ZDBF2: variants seen among roughly 807,000 people sequenced by gnomAD.
The protein encoded by ZDBF2 is zinc finger DBF-type containing 2.
A neutral mutation model predicts 9.4 loss-of-function variants in ZDBF2; 6 were observed. The observed-to-expected ratio is 0.64, with a 90% CI of 0.35 to 1.27. The LOEUF (loss-of-function observed/expected upper bound fraction) is 1.27, where lower values mean the gene tolerates loss of function less well. ZDBF2 is among the 50% of genes most tolerant of loss of function. ZDBF2 has a pLI of 0.03. For missense variants in ZDBF2, 2,697 were observed against 2,766.8 expected (o/e 0.97, Z 0.57); for synonymous variants, 905 against 946.3 (o/e 0.96, Z 0.80).
At position 206,309,201 on chromosome 2, in the gene ZDBF2, A is replaced by C. The variant is rs533147162; in HGVS notation, c.4673A>C (p.Lys1558Thr). 3 of 1,607,982 alleles carry C rather than the reference A, an allele frequency of 1.9e-6. No individual in the cohort carries two copies. The African/African-American group carries it at 4.0e-5, about 21-fold the overall frequency. Residue 1558 changes from lysine (K) to threonine (T), a missense_variant, in exon 5 of 5, where the codon AAA becomes ACA. By Grantham distance (78) the Lys-to-Thr change is moderately conservative. Coordinates refer to ENST00000374423, the MANE Select transcript of ZDBF2 (RefSeq NM_020923.3). ...ACTGACCCACCTCAGTTGACTGTCA[A>C]AGATATCAGCTGTATAAATACAGAA... ...LVTDPPQLTV[K>T]DISCINTECI...
intron 2 of ZDBF2, among the ~76,000 whole-genome samples, chr2:206,280,088 AG>A (rs1211797175): frequency 6.6e-6 from 1 of 152,236 alleles, no homozygotes; most frequent in Non-Finnish European, 1.5e-5. Context: ...TACAGGCATG[AG>A]CCACCATGCC....
rs559177241 is a variant in ZDBF2 at position 206,309,563 on chromosome 2, C to T, written c.5035C>T (p.Arg1679Ter). ...AGACACTTCTCATCGAACGACTCACCGACTGCAGAAAGCTCACAAAGAAGC... is the reference window on the plus strand; with the variant it reads ...AGACACTTCTCATCGAACGACTCACTGACTGCAGAAAGCTCACAAAGAAGC... ...LEDTSHRTTH[R>*]LQKAHKEASL... The change falls in exon 5 of 5, where the codon CGA (arginine) becomes TGA (stop). Residue 1679 changes from arginine to a stop codon, truncating the protein, a stop_gained. Coordinates refer to ENST00000374423, the MANE Select transcript of ZDBF2 (RefSeq NM_020923.3). LOFTEE classifies it low-confidence loss of function (END_TRUNC). 5.0e-6 allele frequency: 8 copies of T among 1,613,928 alleles called. No homozygotes were observed. Among genetic ancestry groups the T allele is most frequent in the Admixed American group, 1.7e-5 (1 of 60,012 alleles).
chr2:206,293,892 TAATG>T (rs1692030293), intron 3 of ZDBF2, among the ~76,000 whole-genome samples: 1 of 152,134 alleles, frequency 6.6e-6, no homozygotes, highest in African/African-American at 2.4e-5. Flanking sequence ...TCACTCCTAA[TAATG>T]CACTCAACAA....
At chr2:206,291,715 A>G (rs1279579065) in intron 3 of ZDBF2, among the ~76,000 whole-genome samples, 1 of 152,188 alleles carries the variant, frequency 6.6e-6, no homozygotes, top group African/African-American at 2.4e-5. Flanking sequence ...CTGTGGGATA[A>G]ATCCCACTTG....
intron 4 of ZDBF2, among the ~76,000 whole-genome samples, chr2:206,301,298 G>A (rs1167213041): frequency 1.3e-5 from 2 of 151,882 alleles, no homozygotes; most frequent in Admixed American, 6.6e-5. Flanking sequence ...TCTTTTAACT[G>A]TATATGTTAT....
rs757903870 is a variant in ZDBF2, at chr2:206,310,250, G to A, written c.5722G>A (p.Asp1908Asn). Residue 1908 changes from aspartate (D) to asparagine (N), a missense_variant, in exon 5 of 5, where the codon GAC (aspartate) becomes AAC (asparagine). Physicochemically the swap from Asp to Asn is conservative, Grantham distance 23. Transcript: ENST00000374423. ...TGTCTGTGGTATTTCAGATATTGAT[G>A]ACTTGTCAGTGGCCTTAGATAAACC... ...DIVCGISDID[D>N]LSVALDKPCH... is the part of the protein sequence containing the mutation. 6.2e-7 allele frequency: 1 copy of A among 1,613,854 alleles called. No individual in the cohort carries two copies. Among genetic ancestry groups the A allele is most frequent in the East Asian group, 2.2e-5 (1 of 44,892 alleles).
chr2:206,308,927 GA>G lies in ZDBF2; in HGVS notation c.4400del (p.Asp1467AlafsTer32). On this transcript the variant is annotated frameshift_variant, in exon 5 of 5. Transcript: ENST00000374423. LOFTEE classifies it low-confidence loss of function (END_TRUNC). ...TTGTGTTCATCTTCAGTCAGAAGTT[GA>G]CCAACCTCAAGTGTCTTACAAAGAG... ...HSCVHLQSEV[D>X]QPQVSYKEAD... The G allele has an allele frequency of 6.2e-7, 1 of 1,613,098 alleles. No homozygotes were observed. Among genetic ancestry groups the G allele is most frequent in the Non-Finnish European group, 8.5e-7 (1 of 1,179,442 alleles).
chr2:206,305,187 A>T lies in ZDBF2; in HGVS notation c.659A>T (p.Asp220Val). 1.2e-6 allele frequency: 2 copies of T among 1,613,870 alleles called. No homozygotes were observed. The highest frequency in any genetic ancestry group is 1.7e-6 in the Non-Finnish European group (2 of 1,179,828). Residue 220 changes from aspartate (D) to valine (V), a missense_variant, in exon 5 of 5, where the codon GAC (aspartate) becomes GTC (valine). Asp to Val is a radical substitution (Grantham distance 152, BLOSUM62 -3). Transcript: ENST00000374423. ...CATTTGGATTCAGTTAGCAAATGTG[A>T]CCCAAACAAAGTTGAGAAATATCTT... is the stretch of plus-strand genomic sequence containing the variant. The part of the protein sequence containing the change: ...AAHLDSVSKC[D>V]PNKVEKYLEQ...
Position 206,308,529 on chromosome 2 carries a change from A to G in ZDBF2, c.4001A>G (p.Asn1334Ser). Residue 1334 changes from asparagine to serine, a missense_variant, in exon 5 of 5, where the codon AAT (asparagine) becomes AGT (serine). Physicochemically the swap from Asn to Ser is conservative, Grantham distance 46. Transcript: ENST00000374423. Reference sequence around the variant, plus strand: ...GATTCTGAAATAATTTATGTTTCAAATATCCCTCTTCAGTCAGTGATAAAA... The same window carrying G: ...GATTCTGAAATAATTTATGTTTCAAGTATCCCTCTTCAGTCAGTGATAAAA... Reference protein sequence around the residue: ...PSDSEIIYVSNIPLQSVIKQP... With the variant: ...PSDSEIIYVSSIPLQSVIKQP... The G allele has an allele frequency of 5.0e-6, 8 of 1,613,440 alleles. No homozygotes were observed. Among genetic ancestry groups the G allele is most frequent in the Non-Finnish European group, 6.8e-6 (8 of 1,179,778 alleles).
In ZDBF2 at chr2:206,311,203, G is replaced by A. The variant is rs1166098666; in HGVS notation, c.6675G>A (p.Lys2225=). The change falls in exon 5 of 5, where the codon AAG becomes AAA. Residue 2225 remains lysine, a synonymous_variant. Coordinates refer to ENST00000374423, the MANE Select transcript of ZDBF2 (RefSeq NM_020923.3). Reference sequence around the variant, plus strand: ...CCAAACCAAGTGATATCATTAGAAAGTATATTTCGAAATACTCTGTCTTTT... The same window carrying A: ...CCAAACCAAGTGATATCATTAGAAAATATATTTCGAAATACTCTGTCTTTT... ...IRTKPSDIIR[K]YISKYSVFLR... is the part of the protein sequence containing the mutation. 2.5e-6 allele frequency: 4 copies of A among 1,612,506 alleles called. No individual in the cohort carries two copies. The Admixed American group carries it at 6.7e-5, about 27-fold the overall frequency.
rs572938202 is a variant in ZDBF2, at chr2:206,310,647, G to C, written c.6119G>C (p.Arg2040Pro). Residue 2040 changes from arginine (R) to proline (P), a missense_variant, in exon 5 of 5, where the codon CGG (arginine) becomes CCG (proline). By Grantham distance (103) the Arg-to-Pro change is moderately radical. This residue lies in a region of ZDBF2 where 1,783 missense variants were observed against 1,776.5 expected (regional missense o/e 1.00). Coordinates refer to ENST00000374423, the MANE Select transcript of ZDBF2 (RefSeq NM_020923.3). ...MRHHSWDNDI[R>P]FICKYKRNIF... Reference sequence around the variant, plus strand: ...CACCATAGTTGGGATAATGATATTCGGTTTATATGCAAATATAAACGGAAT... The same window carrying C: ...CACCATAGTTGGGATAATGATATTCCGTTTATATGCAAATATAAACGGAAT... 43 of 1,609,136 alleles carry C rather than the reference G, an allele frequency of 2.7e-5. No homozygotes were observed. In the South Asian group the frequency reaches 3.2e-4, roughly 12 times the overall value.
intron 3 of ZDBF2, among the ~76,000 whole-genome samples, chr2:206,293,233 G>A (rs935006825): frequency 6.6e-6 from 1 of 152,064 alleles, no homozygotes; most frequent in Non-Finnish European, 1.5e-5. Context: ...AAATGATACT[G>A]GGTCAATTGA....
At chr2:206,293,810 C>A (rs528747415) in intron 3 of ZDBF2, among the ~76,000 whole-genome samples, 32 of 152,238 alleles carry the variant, frequency 2.1e-4, no homozygotes, top group African/African-American at 7.7e-4. Flanking sequence ...TAAATTTGTA[C>A]AGCCACTTTG....
Position 206,310,044 on chromosome 2 carries a change from A to G in ZDBF2, c.5516A>G (p.Asp1839Gly), listed in dbSNP as rs1177591993. The G allele has an allele frequency of 1.2e-6, 2 of 1,613,660 alleles. No homozygotes were observed. Among genetic ancestry groups the G allele is most frequent in the Non-Finnish European group, 1.7e-6 (2 of 1,179,856 alleles). ...GKTWSQIMRE[D>G]DIKINALVKE... ...ACATGGTCTCAGATAATGAGAGAAG[A>G]TGACATAAAAATTAATGCTCTGGTG... Residue 1839 changes from aspartate to glycine, a missense_variant, in exon 5 of 5, where the codon GAT (aspartate) becomes GGT (glycine). Asp to Gly is a moderately conservative substitution (Grantham distance 94). Transcript: ENST00000374423.
chr2:206,303,010 T>C (rs1025384671), intron 4 of ZDBF2, among the ~76,000 whole-genome samples: 1 of 152,122 alleles, frequency 6.6e-6, no homozygotes, highest in African/African-American at 2.4e-5. Flanking sequence ...TTCTCTATTA[T>C]TAACATTAAT....
Position 206,309,094 on chromosome 2 carries a change from T to C in ZDBF2, c.4566T>C (p.Leu1522=). ...CAGGATCAGTCAAAGAAACCCACCTTCCAAAGGTGGTACTTGTGGATCTGG... is the reference window on the plus strand; with the variant it reads ...CAGGATCAGTCAAAGAAACCCACCTCCCAAAGGTGGTACTTGTGGATCTGG... ...QFPGSVKETH[L]PKVVLVDLVP... Residue 1522 remains leucine, a synonymous_variant, in exon 5 of 5, where the codon CTT becomes CTC. Coordinates refer to ENST00000374423, the MANE Select transcript of ZDBF2 (RefSeq NM_020923.3). 5 of 1,613,940 alleles carry C rather than the reference T, an allele frequency of 3.1e-6. No individual in the cohort carries two copies. Among genetic ancestry groups the C allele is most frequent in the Non-Finnish European group, 4.2e-6 (5 of 1,179,868 alleles).
chr2:206,307,473 G>C lies in ZDBF2; in HGVS notation c.2945G>C (p.Arg982Thr), dbSNP rs777989080. The change falls in exon 5 of 5, where the codon AGA becomes ACA. Residue 982 changes from arginine to threonine, a missense_variant. Physicochemically the swap from Arg to Thr is moderately conservative, Grantham distance 71 (BLOSUM62 -1). Around this residue, in one of 3 missense-constraint regions of ZDBF2, gnomAD observed 1,783 missense variants for 1,776.5 expected, o/e 1.00. Coordinates refer to ENST00000374423, the MANE Select transcript of ZDBF2 (RefSeq NM_020923.3). ...ATTGTCAAAGAAACATGGCTTCAAA[G>C]AGAAAAGCACGCTGAATTCCAAGGT... ...EVIVKETWLQ[R>T]EKHAEFQGRS... 2 of 1,612,644 alleles carry C rather than the reference G, an allele frequency of 1.2e-6. No homozygotes were observed. Among genetic ancestry groups the C allele is most frequent in the Non-Finnish European group, 1.7e-6 (2 of 1,179,450 alleles).
intron 2 of ZDBF2, among the ~76,000 whole-genome samples, chr2:206,280,972 A>G (rs767007957): frequency 4.6e-5 from 7 of 152,228 alleles, no homozygotes; most frequent in Non-Finnish European, 5.9e-5. Flanking sequence ...TTTACTTAAA[A>G]TAATCATAAA....
Position 206,310,391 on chromosome 2 carries a change from G to T in ZDBF2, c.5863G>T (p.Val1955Leu). 1 of 1,613,928 alleles carries T rather than the reference G, an allele frequency of 6.2e-7. No homozygotes were observed. Among genetic ancestry groups the T allele is most frequent in the Non-Finnish European group, 8.5e-7 (1 of 1,179,876 alleles). The change falls in exon 5 of 5, where the codon GTG (valine) becomes TTG (leucine). Residue 1955 changes from valine to leucine, a missense_variant. Around this residue, in one of 3 missense-constraint regions of ZDBF2, gnomAD observed 1,783 missense variants for 1,776.5 expected, o/e 1.00. Coordinates refer to ENST00000374423, the MANE Select transcript of ZDBF2 (RefSeq NM_020923.3). ...STQTSCKNYP[V>L]MKRKIIRQEE... ...TCAGACCAGTTGTAAGAATTACCCAGTGATGAAAAGAAAAATAATTAGACA... is the reference window on the plus strand; with the variant it reads ...TCAGACCAGTTGTAAGAATTACCCATTGATGAAAAGAAAAATAATTAGACA...
Sources: gnomAD v4.1 joint callset for allele counts (sites outside exome capture counted in the v4.1 genomes callset) on GRCh38, gnomAD v4.1.1 for gene constraint, gnomAD v4.1.1 regional missense constraint, MANE v1.5 for transcripts, NCBI Gene and HGNC (gene_info 2026-07-23, HGNC 2026-07-21) for gene names.